Variants in PPP3CA observed in about 807,000 individuals in gnomAD.
The protein encoded by PPP3CA is CAM-PRP catalytic subunit.
Under a neutral mutation model 66.5 loss-of-function variants are expected in PPP3CA, and 14 were observed. The observed-to-expected ratio is 0.21, with a 90% CI of 0.14 to 0.33. The LOEUF is 0.33. Among genes scored for constraint, PPP3CA ranks in the 10% least tolerant of loss-of-function variants. The probability of loss-of-function intolerance (pLI) is 1.00; values close to 1 mark genes in which losing one functional copy is unlikely to be tolerated. For synonymous variants in PPP3CA, 232 were observed against 226.2 expected, an observed-to-expected ratio of 1.03 and a Z score of -0.23; for missense variants, 317 against 639.5, an observed-to-expected ratio of 0.50 and a Z score of 5.44.
chr4:101,236,109 T>C (rs997227267), intron 1 of PPP3CA, among the ~76,000 whole-genome samples: 3 of 150,322 alleles, frequency 2.0e-5, no homozygotes, highest in South Asian at 2.1e-4. Flanking sequence ...AGAACCTACG[T>C]AACAAATAAC....
intron 6 of PPP3CA, among the ~76,000 whole-genome samples, chr4:101,092,518 T>C (rs1729999084): frequency 6.6e-6 from 1 of 151,968 alleles, no homozygotes; most frequent in African/African-American, 2.4e-5. Flanking sequence ...ACATGTGCCC[T>C]GGCGGTTTGT....
chr4:101,089,493 G>A (rs928574094), intron 6 of PPP3CA, among the ~76,000 whole-genome samples: 2 of 152,166 alleles, frequency 1.3e-5, no homozygotes, highest in African/African-American at 2.4e-5. Flanking sequence ...TCACTGTCAA[G>A]ATGCCCCTAA....
chr4:101,073,006 G>A (rs1377721979), intron 8 of PPP3CA, among the ~76,000 whole-genome samples: 2 of 150,742 alleles, frequency 1.3e-5, no homozygotes, highest in African/African-American at 4.9e-5. Context: ...TAATGACAAT[G>A]GTAAATGAAA....
intron 10 of PPP3CA, among the ~76,000 whole-genome samples, chr4:101,053,508 C>T (rs898284175): frequency 6.6e-6 from 1 of 152,080 alleles, no homozygotes; most frequent in African/African-American, 2.4e-5. Flanking sequence ...TATTCTAAGT[C>T]AGCAACTTGG....
chr4:101,219,859 T>G (rs1480834088), intron 1 of PPP3CA, among the ~76,000 whole-genome samples: 2 of 151,828 alleles, frequency 1.3e-5, no homozygotes, highest in African/African-American at 4.8e-5. Context: ...TTTCCTTCAA[T>G]AATGAGATAC....
intron 2 of PPP3CA, among the ~76,000 whole-genome samples, chr4:101,125,805 A>C (rs1447463757): frequency 2.6e-5 from 4 of 152,188 alleles, no homozygotes; most frequent in African/African-American, 9.7e-5. Flanking sequence ...TCTGCATAGA[A>C]TTTATAATAG....
rs35819650 is a variant in PPP3CA, at chr4:101,309,144, C to A, written c.58+37595G>T. 9.2e-5 allele frequency among the ~76,000 whole-genome samples: 14 copies of A among 152,090 alleles called. No homozygotes were observed. The East Asian group carries it at 2.3e-3, about 25-fold the overall frequency. ...CTGTCTCAAAAACAATAATAATAAT[C>A]ATAATAATAATAAACCTTCCCAACC... is the stretch of plus-strand genomic sequence containing the variant. On this transcript the variant is annotated intron_variant, in intron 1 of 13. Coordinates refer to ENST00000394854, the MANE Select transcript of PPP3CA (RefSeq NM_000944.5).
chr4:101,202,464 T>G (rs1724998071), intron 1 of PPP3CA, among the ~76,000 whole-genome samples: 1 of 152,126 alleles, frequency 6.6e-6, no homozygotes, highest in Non-Finnish European at 1.5e-5. Flanking sequence ...AGTATATCAG[T>G]ATGGGGGATA....
At chr4:101,210,257 C>G (rs1215078156) in intron 1 of PPP3CA, among the ~76,000 whole-genome samples, 1 of 152,146 alleles carries the variant, frequency 6.6e-6, no homozygotes, top group Non-Finnish European at 1.5e-5. Flanking sequence ...GATCCTCAAA[C>G]TCTATGGTCC....
chr4:101,267,914 T>G (rs1487180591), intron 1 of PPP3CA, among the ~76,000 whole-genome samples: 1 of 152,180 alleles, frequency 6.6e-6, no homozygotes, highest in Non-Finnish European at 1.5e-5. Flanking sequence ...CCTTTTTAGT[T>G]GAAATAAATA....
chr4:101,230,477 C>T (rs1325816906), intron 1 of PPP3CA, among the ~76,000 whole-genome samples: 2 of 151,560 alleles, frequency 1.3e-5, no homozygotes, highest in African/African-American at 4.8e-5. Flanking sequence ...CATGATAACA[C>T]CACCGCTCTT....
intron 2 of PPP3CA, among the ~76,000 whole-genome samples, chr4:101,177,659 A>G (rs1191216769): frequency 6.6e-6 from 1 of 152,150 alleles, no homozygotes; most frequent in East Asian, 1.9e-4. Context: ...AAGTACATCA[A>G]ACAAAGTAAG....
chr4:101,093,770 T>G lies in PPP3CA; in HGVS notation c.782+6A>C. ...GTGTTCCAGAGAGCAAGTTCTCTAT[T>G]CTTACCTGTAGAAGTATGAACACCC... On this transcript the variant is annotated splice_donor_region_variant and intron_variant, in intron 6 of 13. Transcript: ENST00000394854. 1 of 1,603,158 alleles carries G rather than the reference T, an allele frequency of 6.2e-7. No homozygotes were observed. The highest frequency in any genetic ancestry group is 8.5e-7 in the Non-Finnish European group (1 of 1,174,532).
At chr4:101,038,891 C>A (rs903509772) in intron 11 of PPP3CA, among the ~76,000 whole-genome samples, 1 of 152,156 alleles carries the variant, frequency 6.6e-6, no homozygotes, top group African/African-American at 2.4e-5. Flanking sequence ...TTTCTATTAA[C>A]ATGTGCAATT....
At chr4:101,247,374 C>A (rs374140579) in intron 1 of PPP3CA, among the ~76,000 whole-genome samples, 2 of 152,024 alleles carry the variant, frequency 1.3e-5, no homozygotes, top group Admixed American at 6.5e-5. Flanking sequence ...GTTGGCCAGG[C>A]TGGTCTCGAA....
chr4:101,123,033 T>C (rs2110274756), intron 2 of PPP3CA, among the ~76,000 whole-genome samples: 1 of 152,298 alleles, frequency 6.6e-6, no homozygotes, highest in African/African-American at 2.4e-5. Context: ...AAGCCATTCA[T>C]CTCTCCTTTG....
Position 101,195,991 on chromosome 4 carries a change from A to G in PPP3CA, c.184T>C (p.Leu62=), listed in dbSNP as rs1400207414. The G allele has an allele frequency of 5.0e-6, 8 of 1,614,070 alleles. No individual in the cohort carries two copies. The highest frequency in any genetic ancestry group is 6.8e-6 in the Non-Finnish European group (8 of 1,179,972). The change falls in exon 2 of 14, where the codon TTG becomes CTG. Residue 62 remains leucine (L), a synonymous_variant. Coordinates refer to ENST00000394854, the MANE Select transcript of PPP3CA (RefSeq NM_000944.5). ...GATGCACCCTCTGTTATTATTCTCAATGCAACACTCTCTTCCAGCCTTCCC... is the reference window on the plus strand; with the variant it reads ...GATGCACCCTCTGTTATTATTCTCAGTGCAACACTCTCTTCCAGCCTTCCC... ...KEGRLEESVA[L]RIITEGASIL... is the part of the protein sequence containing the mutation.
chr4:101,187,991 A>G (rs1724467934), intron 2 of PPP3CA, among the ~76,000 whole-genome samples: 2 of 152,188 alleles, frequency 1.3e-5, no homozygotes, highest in Non-Finnish European at 2.9e-5. Context: ...CATAAGCAAT[A>G]TAGGATGTAT....
At chr4:101,125,082 A>G (rs1722204066) in intron 2 of PPP3CA, among the ~76,000 whole-genome samples, 1 of 152,126 alleles carries the variant, frequency 6.6e-6, no homozygotes, top group Non-Finnish European at 1.5e-5. Flanking sequence ...AAGCTAATGA[A>G]GTCTAAATGC....
Sources: allele counts gnomAD v4.1 joint callset (sites outside exome capture counted in the v4.1 genomes callset), GRCh38; gene constraint gnomAD v4.1.1; transcripts MANE v1.5; gene names NCBI Gene and HGNC (gene_info 2026-07-23, HGNC 2026-07-21).